The following PTPRM variants were observed in gnomAD, a reference collection of about 807,000 sequenced individuals.
PTPRM encodes the protein receptor-type tyrosine-protein phosphatase mu.
PTPRM carries 47 observed loss-of-function variants against 186.7 expected under a neutral mutation model. That is an observed-to-expected ratio of 0.25 (90% CI 0.20 to 0.32). The LOEUF is 0.32. Among genes scored for constraint, PTPRM ranks in the 10% least tolerant of loss-of-function variants. The pLI is 1.00. For synonymous variants in PTPRM, 668 were observed against 674.9 expected (o/e 0.99, Z 0.16); for missense variants, 1,494 against 1,865.0 (o/e 0.80, Z 3.66).
At chr18:7,898,208 G>T (rs1415395977) in intron 3 of PTPRM, among the ~76,000 whole-genome samples, 1 of 152,136 alleles carries the variant, frequency 6.6e-6, no homozygotes, top group African/African-American at 2.4e-5. Flanking sequence ...TTGTAAATGG[G>T]TGTGACCCAC....
intron 7 of PTPRM, among the ~76,000 whole-genome samples, chr18:8,062,900 G>A (rs2088676517): frequency 7.1e-6 from 1 of 141,024 alleles, no homozygotes; most frequent in Non-Finnish European, 1.5e-5. Flanking sequence ...AGAGGTTACT[G>A]CTGTCTTTTT....
intron 11 of PTPRM, among the ~76,000 whole-genome samples, chr18:8,106,987 C>T (rs1249978053): frequency 6.6e-6 from 1 of 152,176 alleles, no homozygotes; most frequent in African/African-American, 2.4e-5. Flanking sequence ...GGATAAAATA[C>T]AAACTATAAA....
chr18:8,084,038 G>T (rs1023897598), intron 9 of PTPRM, among the ~76,000 whole-genome samples: 1 of 152,078 alleles, frequency 6.6e-6, no homozygotes, highest in Non-Finnish European at 1.5e-5. Context: ...GCCACGGTGG[G>T]CAGCGTCAGT....
intron 1 of PTPRM, among the ~76,000 whole-genome samples, chr18:7,669,408 C>T (rs1312572531): frequency 2.0e-5 from 3 of 152,134 alleles, no homozygotes. Flanking sequence ...GTTTTGTGAA[C>T]TCCTACAGGT....
At chr18:8,190,331 A>G (rs913083289) in intron 14 of PTPRM, among the ~76,000 whole-genome samples, 1 of 152,136 alleles carries the variant, frequency 6.6e-6, no homozygotes, top group Non-Finnish European at 1.5e-5. Context: ...TATGAGCTTG[A>G]GTTTTTACAC....
chr18:8,296,799 C>T (rs1395183847), intron 20 of PTPRM, among the ~76,000 whole-genome samples: 2 of 152,162 alleles, frequency 1.3e-5, no homozygotes, highest in Non-Finnish European at 2.9e-5. Context: ...TGATGCACAG[C>T]TTGCCTTAAT....
chr18:8,295,354 C>T (rs1044704952), intron 19 of PTPRM, among the ~76,000 whole-genome samples: 1 of 152,088 alleles, frequency 6.6e-6, no homozygotes, highest in African/African-American at 2.4e-5. Context: ...GACGGCTGAA[C>T]ACCACAGGTG....
At chr18:7,580,682 T>C (rs750656017) in intron 1 of PTPRM, among the ~76,000 whole-genome samples, 2 of 152,182 alleles carry the variant, frequency 1.3e-5, no homozygotes, top group East Asian at 3.9e-4. Context: ...AAATAAAAGC[T>C]TGGCTGAGAG....
At chr18:8,267,696 C>T (rs2094718203) in intron 19 of PTPRM, among the ~76,000 whole-genome samples, 2 of 152,256 alleles carry the variant, frequency 1.3e-5, no homozygotes, top group Non-Finnish European at 1.5e-5. Context: ...AGATTCATTA[C>T]ATACTCCTGT....
chr18:8,397,675 A>G (rs1276237579), intron 32 of PTPRM, among the ~76,000 whole-genome samples: 3 of 151,790 alleles, frequency 2.0e-5, no homozygotes, highest in Non-Finnish European at 2.9e-5. Context: ...ATTCCCCACG[A>G]CTCGCCTAGT....
intron 7 of PTPRM, among the ~76,000 whole-genome samples, chr18:7,985,104 T>C (rs1315782347): frequency 1.5e-5 from 2 of 130,206 alleles, no homozygotes; most frequent in African/African-American, 2.9e-5. Flanking sequence ...TAATTATATA[T>C]ACATATAATT....
intron 14 of PTPRM, among the ~76,000 whole-genome samples, chr18:8,145,487 G>A (rs143915308): frequency 1.2e-3 from 181 of 152,192 alleles, no homozygotes; most frequent in African/African-American, 4.1e-3. Flanking sequence ...CCTACCCCCT[G>A]ACAGGCCCCA....
In PTPRM at chr18:8,009,887, T is replaced by G. The variant is rs147575466; in HGVS notation, c.1132+54473T>G. Among the ~76,000 whole-genome samples, 704 of 152,230 alleles carry G rather than the reference T, an allele frequency of 4.6e-3. 5 individuals carry two copies. The highest frequency in any genetic ancestry group is 0.016 in the African/African-American group (662 of 41,542). The stretch of plus-strand genomic sequence containing the variant: ...CTAGAACTCGAGATAATAAACTATT[T>G]CCCTCTTTTTTTCCTGAGTTTCTTT... On this transcript the variant is annotated intron_variant, in intron 7 of 32. Transcript: ENST00000580170.
At chr18:7,578,700 T>C (rs1258818300) in intron 1 of PTPRM, among the ~76,000 whole-genome samples, 1 of 150,590 alleles carries the variant, frequency 6.6e-6, no homozygotes, top group African/African-American at 2.4e-5. Flanking sequence ...TCAAAACACC[T>C]GGGTTCAAGT....
chr18:7,632,907 C>T (rs911604981), intron 1 of PTPRM, among the ~76,000 whole-genome samples: 3 of 152,200 alleles, frequency 2.0e-5, no homozygotes, highest in African/African-American at 7.2e-5. Flanking sequence ...TTAGCAGTAA[C>T]AGTCTTTCAT....
chr18:8,316,385 G>C (rs2095309198), intron 21 of PTPRM, among the ~76,000 whole-genome samples: 1 of 152,194 alleles, frequency 6.6e-6, no homozygotes, highest in Admixed American at 6.5e-5. Context: ...ATTTGAATAA[G>C]CTTTAACCGG....
rs1019668823 is a variant in PTPRM, at chr18:7,794,313, T to C, written c.196+20042T>C. On this transcript the variant is annotated intron_variant, in intron 2 of 32. Transcript: ENST00000580170. The stretch of plus-strand genomic sequence containing the variant: ...CCCACTGGGGCTTCAGCTGTAAACA[T>C]TCACCCCTAGACACTGCTCTGGGGT... 2.0e-5 allele frequency among the ~76,000 whole-genome samples: 3 copies of C among 152,146 alleles called. No individual in the cohort carries two copies. In the South Asian group the frequency reaches 6.2e-4, roughly 32 times the overall value.
At chr18:8,143,332 A>C (rs2092806591) in intron 13 of PTPRM, among the ~76,000 whole-genome samples, 1 of 152,222 alleles carries the variant, frequency 6.6e-6, no homozygotes, top group African/African-American at 2.4e-5. Flanking sequence ...AAATGGCAGA[A>C]AGAGCAGGAG....
chr18:7,948,253 A>G (rs991525754), intron 5 of PTPRM, among the ~76,000 whole-genome samples: 15 of 151,872 alleles, frequency 9.9e-5, no homozygotes, highest in Admixed American at 9.2e-4. Context: ...GAGAAACTTT[A>G]TATATATGTG....
Sources: allele counts gnomAD v4.1 joint callset (sites outside exome capture counted in the v4.1 genomes callset), GRCh38; gene constraint gnomAD v4.1.1; transcripts MANE v1.5; gene names NCBI Gene and HGNC (gene_info 2026-07-23, HGNC 2026-07-21).